Variants in OTOGL observed in about 807,000 individuals in gnomAD.
OTOGL encodes the protein otogelin like.
Under a neutral mutation model 318.5 loss-of-function variants are expected in OTOGL, and 285 were observed. The observed-to-expected ratio is 0.89, with a 90% confidence interval of 0.81 to 0.99. The LOEUF is 0.99. OTOGL is among the 50% of genes least tolerant of loss of function. The pLI, the probability that OTOGL is intolerant of heterozygous loss-of-function variation, is 0.00. For synonymous variants in OTOGL, 987 were observed against 936.5 expected, an observed-to-expected ratio of 1.05 and a Z score of -0.99; for missense variants, 2,899 against 2,845.6, an observed-to-expected ratio of 1.02 and a Z score of -0.43.
intron 1 of OTOGL, among the ~76,000 whole-genome samples, chr12:80,169,271 C>A (rs1049806913): frequency 2.6e-5 from 4 of 152,164 alleles, no homozygotes; most frequent in Non-Finnish European, 4.4e-5. Context: ...CCCTCCATTT[C>A]CATCCTCACA....
chr12:80,364,259 C>T (rs1890399332), intron 52 of OTOGL, among the ~76,000 whole-genome samples: 1 of 152,036 alleles, frequency 6.6e-6, no homozygotes, highest in Non-Finnish European at 1.5e-5. Context: ...CTCATTGTTC[C>T]TGAGTACTCA....
At chr12:80,150,648 G>A (rs890398034) in intron 1 of OTOGL, among the ~76,000 whole-genome samples, 27 of 152,188 alleles carry the variant, frequency 1.8e-4, no homozygotes, top group African/African-American at 6.5e-4. Flanking sequence ...CATTGTGATT[G>A]TCTCAATAAG....
rs998882382 is a variant in OTOGL, at chr12:80,353,329, G to C, written c.5412G>C (p.Leu1804=). The change falls in exon 46 of 59, where the codon CTG becomes CTC. Residue 1804 remains leucine (L), a synonymous_variant. Transcript: ENST00000547103. Reference sequence around the variant, plus strand: ...TTTGTCTCCTATTCTTCAAAGCCCTGAGTTGCCCAGAGGGGAAGGAATATC... The same window carrying C: ...TTTGTCTCCTATTCTTCAAAGCCCTCAGTTGCCCAGAGGGGAAGGAATATC... ...IQWRTPDYCS[L]SCPEGKEYQP... is the part of the protein sequence containing the mutation. 6 of 1,515,196 alleles carry C rather than the reference G, an allele frequency of 4.0e-6. No individual in the cohort carries two copies. The highest frequency in any genetic ancestry group is 5.3e-6 in the Non-Finnish European group (6 of 1,125,574). The allele number at this position is 1,515,196 out of a possible 1,614,324, so 93.9% of individuals were successfully genotyped here.
At chr12:80,327,957 T>A (rs1459298605) in intron 35 of OTOGL, among the ~76,000 whole-genome samples, 432 of 15,032 alleles carry the variant, frequency 0.029, 4 homozygotes, top group Admixed American at 0.15. Flanking sequence ...AGACTCTGTC[T>A]CAAAAAAAAA....
chr12:80,271,616 T>A, intron 23 of OTOGL, 32 bp from the exon 24 acceptor site: 1 of 1,595,490 alleles, frequency 6.3e-7, no homozygotes, highest in Non-Finnish European at 8.6e-7. Context: ...GACAAAAAGT[T>A]AAGGACATTT....
chr12:80,106,171 G>A (rs998512288), intron 1 of OTOGL, among the ~76,000 whole-genome samples: 3 of 152,174 alleles, frequency 2.0e-5, no homozygotes, highest in African/African-American at 7.2e-5. Flanking sequence ...TTTGGTATTT[G>A]TGCGTGGACA....
At chr12:80,114,391 T>A (rs1196686449) in intron 1 of OTOGL, among the ~76,000 whole-genome samples, 2 of 152,230 alleles carry the variant, frequency 1.3e-5, no homozygotes. Flanking sequence ...TGGCTGGATA[T>A]GAAATTCTGG....
At chr12:80,221,212 A>C (rs1261695086) in intron 6 of OTOGL, among the ~76,000 whole-genome samples, 1 of 152,080 alleles carries the variant, frequency 6.6e-6, no homozygotes, top group Non-Finnish European at 1.5e-5. Flanking sequence ...ATTTAAGATA[A>C]ATATTGCTTG....
intron 6 of OTOGL, 107 bp from the exon 7 acceptor site, chr12:80,221,984 G>A (rs1878387797): frequency 7.9e-7 from 1 of 1,269,110 alleles, no homozygotes; most frequent in Non-Finnish European, 1.1e-6. Context: ...TATAGACCAA[G>A]GAAGGAAATT....
In OTOGL at chr12:80,233,854, T is replaced by C. The variant is rs560287767; in HGVS notation, c.817+757T>C. Among the ~76,000 whole-genome samples the C allele has an allele frequency of 1.1e-4, 17 of 152,326 alleles. 1 individual carries two copies. The South Asian group carries it at 2.3e-3, about 20-fold the overall frequency. ...AAGTTCTGTAATTTGAGGAAACTCATTTAATCACTTTTATGCTTAGTTTCT... is the reference window on the plus strand; with the variant it reads ...AAGTTCTGTAATTTGAGGAAACTCACTTAATCACTTTTATGCTTAGTTTCT... On this transcript the variant is annotated intron_variant, in intron 9 of 58. Coordinates refer to ENST00000547103, the MANE Select transcript of OTOGL (RefSeq NM_001378609.3).
intron 7 of OTOGL, 26 bp downstream of exon 7, chr12:80,222,271 C>CTTAA (rs1389977232): frequency 6.5e-7 from 1 of 1,529,554 alleles, no homozygotes; most frequent in Non-Finnish European, 8.8e-7. Context: ...ACATGATTAA[C>CTTAA]TTAAAAATAT....
chr12:80,223,246 G>GGT (rs770914827), intron 7 of OTOGL, among the ~76,000 whole-genome samples: 29 of 150,786 alleles, frequency 1.9e-4, no homozygotes, highest in East Asian at 7.8e-4. Context: ...AGTATTCCAT[G>GGT]GTGTGTGTGT....
At chr12:80,166,797 G>A (rs552719257) in intron 1 of OTOGL, among the ~76,000 whole-genome samples, 1 of 152,178 alleles carries the variant, frequency 6.6e-6, no homozygotes, top group East Asian at 1.9e-4. Flanking sequence ...ATGCAGAGAT[G>A]GTTTAAAAAT....
At chr12:80,254,595 G>A in intron 15 of OTOGL, 25 bp downstream of exon 15, 1 of 1,583,888 alleles carries the variant, frequency 6.3e-7, no homozygotes, top group Non-Finnish European at 8.6e-7. Context: ...TGTTTTTATA[G>A]AGAATGTTTC....
chr12:80,160,066 T>G (rs1873400949), intron 1 of OTOGL, among the ~76,000 whole-genome samples: 1 of 152,018 alleles, frequency 6.6e-6, no homozygotes, highest in Non-Finnish European at 1.5e-5. Flanking sequence ...GAAACTGGAT[T>G]CTCATCTCTC....
chr12:80,131,590 G>T (rs1460381351), intron 1 of OTOGL, among the ~76,000 whole-genome samples: 1 of 152,134 alleles, frequency 6.6e-6, no homozygotes, highest in Non-Finnish European at 1.5e-5. Context: ...TCAAAGGAGG[G>T]TGACTGACAT....
chr12:80,292,920 T>C (rs554962745), intron 26 of OTOGL, among the ~76,000 whole-genome samples: 1 of 152,350 alleles, frequency 6.6e-6, no homozygotes, highest in African/African-American at 2.4e-5. Context: ...TGTCTCGGAC[T>C]TCAGGAGCCC....
Position 80,314,312 on chromosome 12 carries a change from T to A in OTOGL, c.3615T>A (p.Asp1205Glu). Reference protein sequence around the residue: ...HWRSSTVCSLDCEYYNEGLGE... With the variant: ...HWRSSTVCSLECEYYNEGLGE... ...ATTCTTTTTTTCTTTTAGCACTTGA[T>A]TGTGAATACTACAATGAAGGTATGT... The change falls in exon 32 of 59, where the codon GAT becomes GAA. Residue 1205 changes from aspartate to glutamate, a missense_variant. Transcript: ENST00000547103. 1 of 1,047,756 alleles carries A rather than the reference T, an allele frequency of 9.5e-7. No homozygotes were observed. Among genetic ancestry groups the A allele is most frequent in the Non-Finnish European group, 1.3e-6 (1 of 783,314 alleles). The allele number at this position is 1,047,756 out of a possible 1,614,324, so 64.9% of individuals were successfully genotyped here. A position where few individuals can be genotyped will look rare whatever the true frequency, so the allele number is the denominator to read the frequency against.
intron 7 of OTOGL, among the ~76,000 whole-genome samples, chr12:80,224,425 A>G (rs184586214): frequency 1.0e-3 from 157 of 152,008 alleles, no homozygotes; most frequent in Non-Finnish European, 1.9e-3. Flanking sequence ...TATGAATTTT[A>G]TGATTGTTTT....
Sources: allele counts gnomAD v4.1 joint callset (sites outside exome capture counted in the v4.1 genomes callset), GRCh38; gene constraint gnomAD v4.1.1; transcripts MANE v1.5; gene names NCBI Gene and HGNC (gene_info 2026-07-23, HGNC 2026-07-21).